TANC1: variants seen among roughly 807,000 people sequenced by gnomAD.
TANC1 encodes the protein tetratricopeptide repeat, ankyrin repeat and coiled-coil containing 1.
TANC1 carries 77 observed loss-of-function variants against 149.7 expected under a neutral mutation model. The ratio of observed to expected loss-of-function variants is 0.51; its 90% CI spans 0.43 to 0.62. TANC1 has a LOEUF of 0.62. TANC1 is among the 20% of genes least tolerant of loss of function. The pLI, the probability that TANC1 is intolerant of heterozygous loss-of-function variation, is 0.00. For synonymous variants in TANC1, 854 were observed against 925.0 expected, an observed-to-expected ratio of 0.92 and a Z score of 1.39; for missense variants, 1,985 against 2,321.8, an observed-to-expected ratio of 0.85 and a Z score of 2.98.
intron 4 of TANC1, among the ~76,000 whole-genome samples, chr2:159,100,877 T>TA (rs370892035): frequency 1.2e-3 from 173 of 150,378 alleles, no homozygotes; most frequent in Admixed American, 2.3e-3. Context: ...TTTAATAATT[T>TA]AAAAAAAAAA....
chr2:159,070,446 G>A (rs186026457), intron 3 of TANC1, among the ~76,000 whole-genome samples: 2 of 152,262 alleles, frequency 1.3e-5, no homozygotes, highest in African/African-American at 4.8e-5. Flanking sequence ...GGTTACATCA[G>A]GTTCACTCTT....
At chr2:158,984,114 C>T (rs1302842976) in intron 1 of TANC1, among the ~76,000 whole-genome samples, 1 of 152,232 alleles carries the variant, frequency 6.6e-6, no homozygotes, top group Non-Finnish European at 1.5e-5. Flanking sequence ...TGATTCCCTA[C>T]AGACTTCAAG....
chr2:159,162,204 G>A (rs769124211), intron 7 of TANC1, among the ~76,000 whole-genome samples: 2 of 152,218 alleles, frequency 1.3e-5, no homozygotes, highest in Non-Finnish European at 2.9e-5. Flanking sequence ...TAATTTACCA[G>A]CCTTCTGATA....
chr2:159,138,541 G>A (rs116382787), intron 5 of TANC1, among the ~76,000 whole-genome samples: 2 of 152,168 alleles, frequency 1.3e-5, no homozygotes, highest in African/African-American at 2.4e-5. Flanking sequence ...TGATAGAGCC[G>A]ACTAAAACTA....
chr2:159,005,899 A>T (rs545254127), intron 2 of TANC1, among the ~76,000 whole-genome samples: 3 of 151,790 alleles, frequency 2.0e-5, no homozygotes, highest in African/African-American at 7.3e-5. Context: ...AGGCCAAAAA[A>T]TTTTTTTTTA....
chr2:159,221,642 C>A (rs1290647120), intron 22 of TANC1, among the ~76,000 whole-genome samples: 1 of 152,176 alleles, frequency 6.6e-6, no homozygotes, highest in African/African-American at 2.4e-5. Context: ...TCAGCTTCAT[C>A]CATGTTGTGG....
chr2:159,106,171 G>T (rs1006269065), intron 4 of TANC1, among the ~76,000 whole-genome samples: 22 of 151,970 alleles, frequency 1.4e-4, no homozygotes, highest in Non-Finnish European at 2.9e-4. Flanking sequence ...TTTACAGTTC[G>T]ATGTTCTTTT....
chr2:159,050,537 G>A (rs1173023258), intron 2 of TANC1, among the ~76,000 whole-genome samples: 1 of 152,200 alleles, frequency 6.6e-6, no homozygotes, highest in East Asian at 1.9e-4. Flanking sequence ...TGGTTTTAGT[G>A]CATGTTTTTC....
At chr2:159,035,694 T>A (rs2040132223) in intron 2 of TANC1, among the ~76,000 whole-genome samples, 1 of 152,192 alleles carries the variant, frequency 6.6e-6, no homozygotes, top group Non-Finnish European at 1.5e-5. Context: ...CTAAACTCTG[T>A]GATCTCATCA....
At chr2:159,150,993 A>T (rs2052735116) in intron 7 of TANC1, among the ~76,000 whole-genome samples, 1 of 152,096 alleles carries the variant, frequency 6.6e-6, no homozygotes, top group Admixed American at 6.5e-5. Flanking sequence ...AGGGTTTCTT[A>T]TCATGGGATC....
At chr2:158,986,331 T>G (rs1311827281) in intron 1 of TANC1, among the ~76,000 whole-genome samples, 1 of 152,108 alleles carries the variant, frequency 6.6e-6, no homozygotes, top group Non-Finnish European at 1.5e-5. Flanking sequence ...AACAGCACTC[T>G]CTCAGGAGGG....
chr2:159,149,396 G>A (rs1280934221), intron 6 of TANC1, 124 bp downstream of exon 6: 3 of 1,409,712 alleles, frequency 2.1e-6, no homozygotes, highest in East Asian at 2.3e-5. Context: ...GGGCTGTTGT[G>A]TATTGAAATT....
intron 23 of TANC1, chr2:159,225,460 T>G (rs538603716): frequency 3.4e-6 from 2 of 580,082 alleles, no homozygotes; most frequent in African/African-American, 3.7e-5. Flanking sequence ...GATGCCTTCG[T>G]TTCTCATTAC....
At chr2:159,168,722 T>C (rs1047246206) in intron 8 of TANC1, among the ~76,000 whole-genome samples, 4 of 152,186 alleles carry the variant, frequency 2.6e-5, no homozygotes, top group Non-Finnish European at 4.4e-5. Context: ...AGAATGTGTA[T>C]ATAAGTCTAC....
At chr2:159,129,593 G>A (rs1335073801) in intron 4 of TANC1, among the ~76,000 whole-genome samples, 2 of 151,730 alleles carry the variant, frequency 1.3e-5, no homozygotes, top group Non-Finnish European at 2.9e-5. Flanking sequence ...TTTGCAAGCT[G>A]CATACTTGAT....
chr2:159,139,832 G>A (rs1171249541), intron 5 of TANC1, among the ~76,000 whole-genome samples: 1 of 152,168 alleles, frequency 6.6e-6, no homozygotes, highest in African/African-American at 2.4e-5. Context: ...TGGGAGGAGA[G>A]GGTCTTTAGT....
chr2:158,976,606 C>T (rs999181158), intron 1 of TANC1, among the ~76,000 whole-genome samples: 2 of 152,160 alleles, frequency 1.3e-5, no homozygotes, highest in Non-Finnish European at 2.9e-5. Flanking sequence ...ATGGGCTGAG[C>T]GCGGTGACTC....
At chr2:159,178,490 A>C in intron 13 of TANC1, 66 bp from the exon 14 acceptor site, 1 of 1,501,950 alleles carries the variant, frequency 6.7e-7, no homozygotes, top group Non-Finnish European at 8.9e-7. Context: ...TCTGGTTTAA[A>C]ATGCTGTTAA....
intron 19 of TANC1, among the ~76,000 whole-genome samples, chr2:159,216,173 G>C (rs1362589408): frequency 6.6e-6 from 1 of 152,142 alleles, no homozygotes; most frequent in Non-Finnish European, 1.5e-5. Context: ...TACTAATGGG[G>C]CTTGGTGCTC....
Sources: gnomAD v4.1 joint callset for allele counts (sites outside exome capture counted in the v4.1 genomes callset) on GRCh38, gnomAD v4.1.1 for gene constraint, MANE v1.5 for transcripts, NCBI Gene and HGNC (gene_info 2026-07-23, HGNC 2026-07-21) for gene names.